Variants in SLC39A11 observed in about 807,000 individuals in gnomAD.
SLC39A11 encodes the protein solute carrier family 39 member 11.
In SLC39A11, 33 loss-of-function variants were observed where a neutral mutation model predicts 36.1. That is an observed-to-expected ratio of 0.91 (90% CI 0.69 to 1.22). The LOEUF is 1.22. SLC39A11 is among the 50% of genes most tolerant of loss of function. The pLI is 0.00. For missense variants in SLC39A11, 432 were observed against 430.3 expected (o/e 1.00, Z -0.03); for synonymous variants, 166 against 170.3 (o/e 0.97, Z 0.20).
chr17:72,818,338 T>C (rs1012681238), intron 6 of SLC39A11, among the ~76,000 whole-genome samples: 5 of 152,190 alleles, frequency 3.3e-5, no homozygotes, highest in Non-Finnish European at 5.9e-5. Flanking sequence ...GTCTCTTCTA[T>C]CTTGTAGCTC....
chr17:72,952,833 C>G (rs2085963950), intron 4 of SLC39A11, among the ~76,000 whole-genome samples: 2 of 152,032 alleles, frequency 1.3e-5, no homozygotes, highest in Non-Finnish European at 2.9e-5. Context: ...GCAGCCCCGA[C>G]AGTCTGCTCT....
At chr17:73,039,711 G>T (rs17183634) in intron 3 of SLC39A11, among the ~76,000 whole-genome samples, 10,285 of 152,226 alleles carry the variant, frequency 0.068, 504 homozygotes, top group Middle Eastern at 0.14. Flanking sequence ...GTGGAAAAGG[G>T]CCAACGCAGA....
At chr17:73,061,173 A>T (rs1330783157) in intron 3 of SLC39A11, among the ~76,000 whole-genome samples, 1 of 152,136 alleles carries the variant, frequency 6.6e-6, no homozygotes, top group Non-Finnish European at 1.5e-5. Context: ...CAACCTGGCC[A>T]ACATGGTGAA....
intron 7 of SLC39A11, among the ~76,000 whole-genome samples, chr17:72,683,053 C>A (rs73995719): frequency 0.01 from 1,526 of 152,312 alleles, 24 homozygotes; most frequent in African/African-American, 0.035. Flanking sequence ...ACTCACAGCA[C>A]CTTTACTGTC....
At chr17:72,772,737 G>C (rs1187507023) in intron 6 of SLC39A11, among the ~76,000 whole-genome samples, 1 of 152,198 alleles carries the variant, frequency 6.6e-6, no homozygotes, top group African/African-American at 2.4e-5. Flanking sequence ...AAATGAATGA[G>C]TGAAATGAAT....
At chr17:73,022,103 G>A (rs1318802541) in intron 4 of SLC39A11, among the ~76,000 whole-genome samples, 1 of 152,224 alleles carries the variant, frequency 6.6e-6, no homozygotes, top group Non-Finnish European at 1.5e-5. Context: ...TATTTTTCCT[G>A]CAGCCTCAAT....
chr17:72,788,215 C>A (rs1052836412), intron 6 of SLC39A11, among the ~76,000 whole-genome samples: 1 of 152,200 alleles, frequency 6.6e-6, no homozygotes, highest in Admixed American at 6.5e-5. Context: ...ACATCCTGGA[C>A]CCCTCGACCA....
chr17:72,836,371 C>T (rs2078545564), intron 6 of SLC39A11, among the ~76,000 whole-genome samples: 1 of 149,978 alleles, frequency 6.7e-6, no homozygotes, highest in Admixed American at 6.7e-5. Context: ...GACAGGGTCT[C>T]GCTCTGTTAC....
chr17:72,970,531 C>T (rs2087359363), intron 4 of SLC39A11, among the ~76,000 whole-genome samples: 1 of 152,086 alleles, frequency 6.6e-6, no homozygotes, highest in South Asian at 2.1e-4. Context: ...TAAGAGAAAA[C>T]ATATAATAAG....
chr17:72,991,518 C>T (rs538684430), intron 4 of SLC39A11, among the ~76,000 whole-genome samples: 6 of 152,170 alleles, frequency 3.9e-5, no homozygotes, highest in Admixed American at 6.5e-5. Flanking sequence ...CCACCACACC[C>T]GGCTAATTTT....
intron 4 of SLC39A11, among the ~76,000 whole-genome samples, chr17:72,954,439 G>T (rs147904532): frequency 1.1e-3 from 169 of 152,342 alleles, no homozygotes; most frequent in African/African-American, 3.9e-3. Context: ...AAGGGTACAG[G>T]GATCTCAAGA....
At chr17:72,961,947 TGTGGC>T (rs2086640949) in intron 4 of SLC39A11, among the ~76,000 whole-genome samples, 1 of 152,170 alleles carries the variant, frequency 6.6e-6, no homozygotes, top group African/African-American at 2.4e-5. Flanking sequence ...AAAGAAAAGC[TGTGGC>T]TTTGAAGAAC....
chr17:72,785,215 T>C (rs2076467233), intron 6 of SLC39A11, among the ~76,000 whole-genome samples: 1 of 152,178 alleles, frequency 6.6e-6, no homozygotes, highest in South Asian at 2.1e-4. Flanking sequence ...AACAGCCTGA[T>C]ACATTTGGAG....
chr17:72,957,850 C>T (rs771403708), intron 4 of SLC39A11, among the ~76,000 whole-genome samples: 1 of 151,198 alleles, frequency 6.6e-6, no homozygotes, highest in African/African-American at 2.4e-5. Context: ...ATTAGCCAGG[C>T]GTGATGGCTT....
chr17:73,018,972 G>A (rs1273205946), intron 4 of SLC39A11, among the ~76,000 whole-genome samples: 2 of 152,134 alleles, frequency 1.3e-5, no homozygotes, highest in Non-Finnish European at 2.9e-5. Context: ...ACATATAGGA[G>A]AACAATGCTG....
At chr17:72,698,131 T>C (rs1224942552) in intron 7 of SLC39A11, among the ~76,000 whole-genome samples, 1 of 152,166 alleles carries the variant, frequency 6.6e-6, no homozygotes, top group Non-Finnish European at 1.5e-5. Context: ...GTGGGGTACT[T>C]TTCTATATGT....
chr17:72,864,693 T>C (rs1194618197), intron 5 of SLC39A11, among the ~76,000 whole-genome samples: 1 of 152,084 alleles, frequency 6.6e-6, no homozygotes, highest in Admixed American at 6.6e-5. Flanking sequence ...ATAAAATTAG[T>C]CCTCCCACTA....
chr17:72,857,433 G>T (rs2079704154), intron 5 of SLC39A11, among the ~76,000 whole-genome samples: 1 of 152,128 alleles, frequency 6.6e-6, no homozygotes, highest in Non-Finnish European at 1.5e-5. Context: ...GAATAGTGCT[G>T]CAATGAACAT....
intron 7 of SLC39A11, among the ~76,000 whole-genome samples, chr17:72,715,977 G>A (rs534923591): frequency 1.1e-4 from 16 of 152,186 alleles, no homozygotes; most frequent in Admixed American, 3.9e-4. Context: ...GATTACAGAC[G>A]TGAGCCACCG....
Sources: gnomAD v4.1 joint callset for allele counts (sites outside exome capture counted in the v4.1 genomes callset) on GRCh38, gnomAD v4.1.1 for gene constraint, MANE v1.5 for transcripts, NCBI Gene and HGNC (gene_info 2026-07-23, HGNC 2026-07-21) for gene names.